Variants in PTPRD observed in about 807,000 individuals in gnomAD.
PTPRD encodes the protein receptor-type tyrosine-protein phosphatase delta.
In PTPRD, 34 loss-of-function variants were observed where a neutral mutation model predicts 214.5. The observed-to-expected ratio is 0.16, with a 90% CI of 0.12 to 0.21. The LOEUF (loss-of-function observed/expected upper bound fraction) is 0.21. Ranked by LOEUF, PTPRD falls within the 10% of genes least tolerant of loss-of-function variation. PTPRD has a pLI of 1.00. For synonymous variants in PTPRD, 1,128 were observed against 845.7 expected (o/e 1.33, Z -5.79); for missense variants, 2,545 against 2,398.7 (o/e 1.06, Z -1.27).
intron 3 of PTPRD, among the ~76,000 whole-genome samples, chr9:10,130,932 G>A (rs2098867557): frequency 6.6e-6 from 1 of 152,058 alleles, no homozygotes; most frequent in Admixed American, 6.6e-5. Context: ...TAGAATAGAG[G>A]AGACTGGGAG....
intron 9 of PTPRD, among the ~76,000 whole-genome samples, chr9:9,270,442 C>A (rs1942360982): frequency 2.6e-5 from 4 of 151,184 alleles, no homozygotes; most frequent in African/African-American, 4.8e-5. Context: ...GCAGAAAGAG[C>A]GTTCCAGGCA....
chr9:8,457,151 T>G (rs945913355), intron 33 of PTPRD, among the ~76,000 whole-genome samples: 11 of 152,108 alleles, frequency 7.2e-5, no homozygotes, highest in African/African-American at 2.4e-4. Context: ...AATTATCTGG[T>G]CCACCCACTA....
At chr9:9,655,078 T>C (rs1275503694) in intron 7 of PTPRD, among the ~76,000 whole-genome samples, 2 of 152,124 alleles carry the variant, frequency 1.3e-5, no homozygotes, top group Non-Finnish European at 2.9e-5. Context: ...AAAGAGAATA[T>C]ATTTATTCTA....
chr9:10,423,235 C>T (rs1208619092), intron 2 of PTPRD, among the ~76,000 whole-genome samples: 2 of 151,946 alleles, frequency 1.3e-5, no homozygotes, highest in Admixed American at 6.6e-5. Flanking sequence ...TGTTCTCACT[C>T]ATAGGTGGGA....
chr9:9,532,353 A>G (rs999246017), intron 8 of PTPRD, among the ~76,000 whole-genome samples: 4 of 152,192 alleles, frequency 2.6e-5, no homozygotes, highest in African/African-American at 9.6e-5. Flanking sequence ...GGATTGTTTC[A>G]GAGCCTAGAA....
chr9:9,374,432 A>T (rs994646459), intron 9 of PTPRD, among the ~76,000 whole-genome samples: 1 of 152,174 alleles, frequency 6.6e-6, no homozygotes, highest in Non-Finnish European at 1.5e-5. Flanking sequence ...ATTTCTGGGA[A>T]AATTGAAAGG....
chr9:8,330,206 C>CCACTGTCCA (rs1159815920), intron 44 of PTPRD, among the ~76,000 whole-genome samples: 4 of 152,132 alleles, frequency 2.6e-5, no homozygotes, highest in Non-Finnish European at 4.4e-5. Flanking sequence ...TGGGCTGCAC[C>CCACTGTCCA]CACTGTCCAA....
intron 5 of PTPRD, among the ~76,000 whole-genome samples, chr9:9,887,250 C>T (rs904775623): frequency 1.3e-5 from 2 of 152,014 alleles, no homozygotes; most frequent in African/African-American, 4.8e-5. Context: ...TATTTACCAC[C>T]AATAAACCAT....
intron 3 of PTPRD, among the ~76,000 whole-genome samples, chr9:10,271,112 T>C (rs1595829919): frequency 6.6e-6 from 1 of 152,292 alleles, no homozygotes; most frequent in Non-Finnish European, 1.5e-5. Context: ...ACCTGAACCA[T>C]GGTGCCTGGC....
At chr9:8,657,243 C>T (rs1484479997) in intron 12 of PTPRD, among the ~76,000 whole-genome samples, 1 of 148,972 alleles carries the variant, frequency 6.7e-6, no homozygotes. Flanking sequence ...TCTTGGCTCA[C>T]TGCAACCTCT....
At chr9:9,232,935 C>G (rs1171990620) in intron 9 of PTPRD, among the ~76,000 whole-genome samples, 1 of 152,104 alleles carries the variant, frequency 6.6e-6, no homozygotes, top group African/African-American at 2.4e-5. Flanking sequence ...TAGAAAAATA[C>G]TACTCTAACC....
intron 12 of PTPRD, among the ~76,000 whole-genome samples, chr9:8,679,854 T>A (rs2097516545): frequency 6.6e-6 from 1 of 152,212 alleles, no homozygotes; most frequent in Admixed American, 6.5e-5. Flanking sequence ...CATTTGTGCC[T>A]TACAAAGCTT....
chr9:8,961,152 G>C (rs367684310), intron 11 of PTPRD, among the ~76,000 whole-genome samples: 1 of 152,084 alleles, frequency 6.6e-6, no homozygotes, highest in African/African-American at 2.4e-5. Flanking sequence ...TGCCTAGGGG[G>C]ACAGGGGAAG....
At chr9:10,562,735 C>T (rs1367258425) in intron 2 of PTPRD, among the ~76,000 whole-genome samples, 1 of 152,052 alleles carries the variant, frequency 6.6e-6, no homozygotes, top group African/African-American at 2.4e-5. Flanking sequence ...ATAGAATAGT[C>T]CAAATGACAC....
chr9:8,660,153 A>T (rs1347606608), intron 12 of PTPRD, among the ~76,000 whole-genome samples: 3 of 152,178 alleles, frequency 2.0e-5, no homozygotes, highest in Non-Finnish European at 4.4e-5. Context: ...CCCAAATATT[A>T]ACCACATTTG....
At chr9:9,256,272 G>A (rs182037943) in intron 9 of PTPRD, among the ~76,000 whole-genome samples, 6 of 152,076 alleles carry the variant, frequency 3.9e-5, no homozygotes, top group Admixed American at 1.3e-4. Flanking sequence ...TTTAGCCTCT[G>A]TGGTTGAAAA....
Position 8,515,754 on chromosome 9 carries a change from G to C in PTPRD, c.1543+2094C>G, listed in dbSNP as rs1367767585. The stretch of plus-strand genomic sequence containing the variant: ...ATATTTCCCTCACAGCCTTCAAAAG[G>C]AACCAATCCTGCCAACACCTTGATC... On this transcript the variant is annotated intron_variant, in intron 21 of 45. Transcript: ENST00000381196. Among the ~76,000 whole-genome samples, 3 of 152,122 alleles carry C rather than the reference G, an allele frequency of 2.0e-5. No homozygotes were observed. In the East Asian group the frequency reaches 5.8e-4, roughly 29 times the overall value.
chr9:9,097,064 T>C (rs2099784548), intron 10 of PTPRD, among the ~76,000 whole-genome samples: 1 of 152,220 alleles, frequency 6.6e-6, no homozygotes, highest in Non-Finnish European at 1.5e-5. Flanking sequence ...CATTTCACTC[T>C]TCTCTTGAAA....
At chr9:9,427,485 C>G (rs1011400746) in intron 8 of PTPRD, among the ~76,000 whole-genome samples, 2 of 152,176 alleles carry the variant, frequency 1.3e-5, no homozygotes, top group African/African-American at 2.4e-5. Flanking sequence ...TTGGAAAACA[C>G]TCTTCAGGAT....
Sources: gnomAD v4.1 joint callset for allele counts (sites outside exome capture counted in the v4.1 genomes callset) on GRCh38, gnomAD v4.1.1 for gene constraint, MANE v1.5 for transcripts, NCBI Gene and HGNC (gene_info 2026-07-23, HGNC 2026-07-21) for gene names.